Variants in PTPRG observed in about 807,000 individuals in gnomAD.
The protein encoded by PTPRG is protein tyrosine phosphatase receptor type G, also known as receptor-type tyrosine-protein phosphatase gamma.
In PTPRG, 102 loss-of-function variants were observed where a neutral mutation model predicts 165.3. That is an observed-to-expected ratio of 0.62 (90% CI 0.53 to 0.73). The LOEUF is 0.73. PTPRG is among the 30% of genes least tolerant of loss of function. PTPRG has a pLI of 0.00. For missense variants in PTPRG, 1,866 were observed against 1,861.4 expected, an observed-to-expected ratio of 1.00 and a Z score of -0.05; for synonymous variants, 675 against 669.5, an observed-to-expected ratio of 1.01 and a Z score of -0.13.
intron 2 of PTPRG, among the ~76,000 whole-genome samples, chr3:61,879,766 G>C (rs1193392631): frequency 6.6e-6 from 1 of 152,194 alleles, no homozygotes. Context: ...GTGTTGAATA[G>C]AATAGTGAGA....
chr3:61,659,261 A>G (rs987306766), intron 1 of PTPRG: 2 of 963,146 alleles, frequency 2.1e-6, no homozygotes, highest in African/African-American at 3.5e-5. Context: ...TCATATAGGC[A>G]TATACAATGT....
chr3:62,031,185 A>T, intron 4 of PTPRG, among the ~76,000 whole-genome samples: 1 of 152,238 alleles, frequency 6.6e-6, no homozygotes, highest in East Asian at 1.9e-4. Context: ...AATAAGATAG[A>T]ACTCATATTC....
At chr3:61,860,298 G>C (rs1263385144) in intron 2 of PTPRG, among the ~76,000 whole-genome samples, 2 of 151,962 alleles carry the variant, frequency 1.3e-5, no homozygotes, top group Non-Finnish European at 2.9e-5. Flanking sequence ...AATTGATTTT[G>C]TCCTTTCACC....
intron 8 of PTPRG, among the ~76,000 whole-genome samples, chr3:62,184,121 T>C (rs1705772610): frequency 6.6e-6 from 1 of 152,042 alleles, no homozygotes; most frequent in African/African-American, 2.4e-5. Context: ...TTTCATGGGG[T>C]GAATGGAGCC....
chr3:61,928,115 G>A (rs13326742), intron 2 of PTPRG, among the ~76,000 whole-genome samples: 47,760 of 152,024 alleles, frequency 0.31, 7,999 homozygotes, highest in East Asian at 0.51. Flanking sequence ...GTATGAGGCC[G>A]GAGGTTAGGA....
chr3:62,251,614 T>C (rs765848490), intron 15 of PTPRG, among the ~76,000 whole-genome samples: 1 of 152,060 alleles, frequency 6.6e-6, no homozygotes, highest in Non-Finnish European at 1.5e-5. Flanking sequence ...CCAACCAGCC[T>C]GGGTGACACA....
chr3:62,242,568 A>G (rs1324811866), intron 14 of PTPRG, among the ~76,000 whole-genome samples: 1 of 152,202 alleles, frequency 6.6e-6, no homozygotes, highest in Non-Finnish European at 1.5e-5. Flanking sequence ...TGTGGTTATA[A>G]TAGCCTGTAT....
chr3:62,063,797 C>T (rs536049842), intron 4 of PTPRG, among the ~76,000 whole-genome samples: 21 of 152,272 alleles, frequency 1.4e-4, no homozygotes, highest in African/African-American at 4.8e-4. Flanking sequence ...GTCACCTCAC[C>T]TGGCCTCAAT....
At chr3:61,795,133 G>A (rs1237411496) in intron 2 of PTPRG, among the ~76,000 whole-genome samples, 2 of 152,148 alleles carry the variant, frequency 1.3e-5, no homozygotes, top group Non-Finnish European at 1.5e-5. Context: ...TTTTACAGAT[G>A]AGGGAACTGA....
At chr3:62,120,745 C>G (rs1703035312) in intron 5 of PTPRG, among the ~76,000 whole-genome samples, 1 of 140,598 alleles carries the variant, frequency 7.1e-6, no homozygotes. Context: ...AAGACTCCAT[C>G]TCAAAAAAAA....
intron 2 of PTPRG, among the ~76,000 whole-genome samples, chr3:61,839,356 A>G (rs1271131951): frequency 2.0e-5 from 3 of 152,236 alleles, no homozygotes; most frequent in Non-Finnish European, 2.9e-5. Flanking sequence ...ACAAGAGACT[A>G]TTCTATGATA....
At chr3:61,828,798 C>T (rs547601002) in intron 2 of PTPRG, among the ~76,000 whole-genome samples, 60 of 152,314 alleles carry the variant, frequency 3.9e-4, no homozygotes, top group African/African-American at 1.3e-3. Context: ...GGCACAGTGA[C>T]AGGGATTATG....
At chr3:61,890,423 G>GTTTTT (rs11328993) in intron 2 of PTPRG, among the ~76,000 whole-genome samples, 4 of 119,238 alleles carry the variant, frequency 3.4e-5, no homozygotes, top group Admixed American at 8.4e-5. Flanking sequence ...TTTTTTTTTT[G>GTTTTT]TTTTTTTTTT....
intron 2 of PTPRG, among the ~76,000 whole-genome samples, chr3:61,972,562 C>T (rs2040408074): frequency 6.6e-6 from 1 of 151,982 alleles, no homozygotes; most frequent in Non-Finnish European, 1.5e-5. Context: ...CAGCATGGGA[C>T]CCTGAGTGTT....
chr3:62,114,348 A>G (rs1702783530), intron 5 of PTPRG, among the ~76,000 whole-genome samples: 1 of 152,174 alleles, frequency 6.6e-6, no homozygotes, highest in Admixed American at 6.5e-5. Flanking sequence ...TAGGTTAACA[A>G]GTATACTCAG....
chr3:61,757,136 G>A lies in PTPRG; in HGVS notation c.190+8154G>A, dbSNP rs181526955. Among the ~76,000 whole-genome samples, 3 of 152,170 alleles carry A rather than the reference G, an allele frequency of 2.0e-5. No homozygotes were observed. In the East Asian group the frequency reaches 5.8e-4, roughly 29 times the overall value. ...CAAAATGGAGGAGGTTGAACTACAG[G>A]ATGTATTAAAATAATATGGGTAATA... On this transcript the variant is annotated intron_variant, in intron 2 of 29. Coordinates refer to ENST00000474889, the MANE Select transcript of PTPRG (RefSeq NM_002841.4).
At chr3:61,883,782 C>G (rs865782891) in intron 2 of PTPRG, among the ~76,000 whole-genome samples, 1 of 152,146 alleles carries the variant, frequency 6.6e-6, no homozygotes, top group South Asian at 2.1e-4. Context: ...ACAATCACAG[C>G]GCACTGTAGC....
chr3:62,167,611 C>G (rs1705043218), intron 7 of PTPRG, among the ~76,000 whole-genome samples: 1 of 152,158 alleles, frequency 6.6e-6, no homozygotes, highest in African/African-American at 2.4e-5. Flanking sequence ...CGGGACATAA[C>G]AGTTTGACCG....
At chr3:61,987,355 C>A (rs149607052) in intron 2 of PTPRG, among the ~76,000 whole-genome samples, 1 of 152,242 alleles carries the variant, frequency 6.6e-6, no homozygotes, top group East Asian at 1.9e-4. Flanking sequence ...GGTATGAACC[C>A]AGATTATATT....
Sources: allele counts gnomAD v4.1 joint callset (sites outside exome capture counted in the v4.1 genomes callset), GRCh38; gene constraint gnomAD v4.1.1; transcripts MANE v1.5; gene names NCBI Gene and HGNC (gene_info 2026-07-23, HGNC 2026-07-21).